The following DMGDH variants were observed in gnomAD, a reference collection of about 807,000 sequenced individuals.
DMGDH encodes dimethylglycine dehydrogenase, mitochondrial.
DMGDH carries 76 observed loss-of-function variants against 95.2 expected under a neutral mutation model. That is an observed-to-expected ratio of 0.80 (90% CI 0.66 to 0.97). The LOEUF is 0.97. Ranked by LOEUF, DMGDH falls within the 50% of genes least tolerant of loss-of-function variation. The pLI is 0.00. For missense variants in DMGDH, 987 were observed against 1,055.0 expected (o/e 0.94, Z 0.89); for synonymous variants, 345 against 377.6 (o/e 0.91, Z 1.00).
rs143103775 is a variant in DMGDH at position 79,049,004 on chromosome 5, C to T, written c.745+2283G>A. On this transcript the variant is annotated intron_variant, in intron 5 of 15. Transcript: ENST00000255189. Reference sequence around the variant, plus strand: ...GGATTGGAAGTGGCTGGGCAAAAAGCACAAGAACAAGGGAAAAAGGGAGGC... The same window carrying T: ...GGATTGGAAGTGGCTGGGCAAAAAGTACAAGAACAAGGGAAAAAGGGAGGC... Among the ~76,000 whole-genome samples, 6 of 152,204 alleles carry T rather than the reference C, an allele frequency of 3.9e-5. No homozygotes were observed. In the East Asian group the frequency reaches 1.2e-3, roughly 29 times the overall value.
At chr5:79,068,429 T>C (rs1755442863) in intron 1 of DMGDH, among the ~76,000 whole-genome samples, 1 of 152,200 alleles carries the variant, frequency 6.6e-6, no homozygotes, top group South Asian at 2.1e-4. Context: ...AAAATTAGTA[T>C]CCTCATTTTA....
rs1754535634 is a variant in DMGDH, at chr5:79,042,405, A to C, written c.1071T>G (p.Pro357=). Residue 357 remains proline (P), a synonymous_variant, in exon 7 of 16, where the codon CCT becomes CCG. Transcript: ENST00000255189. ...TGATGATGTCAGCCTTTTTCAAGACAGGAACCATTTCCATGGCAGCTTTGA... is the reference window on the plus strand; with the variant it reads ...TGATGATGTCAGCCTTTTTCAAGACCGGAACCATTTCCATGGCAGCTTTGA... ...EHIKAAMEMV[P]VLKKADIINV... is the part of the protein sequence containing the mutation. 4.3e-6 allele frequency: 7 copies of C among 1,614,074 alleles called. No homozygotes were observed. In the African/African-American group the frequency reaches 6.7e-5, roughly 15 times the overall value.
intron 15 of DMGDH, among the ~76,000 whole-genome samples, chr5:79,003,348 G>A (rs1753485775): frequency 1.3e-5 from 2 of 152,188 alleles, no homozygotes; most frequent in Non-Finnish European, 2.9e-5. Flanking sequence ...GTTAATTAAT[G>A]GCAGAGCTGG....
chr5:79,021,144 C>T (rs1467989387), intron 14 of DMGDH: 1 of 986,648 alleles, frequency 1.0e-6, no homozygotes, highest in African/African-American at 1.8e-5. Flanking sequence ...ATTATTTTTA[C>T]CGCAGCTTTG....
intron 4 of DMGDH, 127 bp from the exon 5 acceptor site, chr5:79,051,618 T>C (rs1561226885): frequency 2.3e-6 from 2 of 888,858 alleles, no homozygotes; most frequent in Non-Finnish European, 3.5e-6. Flanking sequence ...GGAAAGTGAC[T>C]GGGTCCCTGA....
chr5:79,026,621 A>G, intron 12 of DMGDH, 40 bp from the exon 13 acceptor site: 1 of 1,613,704 alleles, frequency 6.2e-7, no homozygotes, highest in African/African-American at 1.3e-5. Flanking sequence ...GGCAAGAACA[A>G]TGATCACTAG....
At chr5:79,013,812 A>C (rs1437766655) in intron 14 of DMGDH, among the ~76,000 whole-genome samples, 1 of 152,068 alleles carries the variant, frequency 6.6e-6, no homozygotes, top group Admixed American at 6.5e-5. Context: ...CATACTTTTA[A>C]ACAACTAGAT....
At chr5:79,019,002 T>G in intron 14 of DMGDH, among the ~76,000 whole-genome samples, 1 of 151,956 alleles carries the variant, frequency 6.6e-6, no homozygotes, top group East Asian at 1.9e-4. Context: ...CACTCAGCAA[T>G]GAAAATGGGT....
intron 2 of DMGDH, among the ~76,000 whole-genome samples, chr5:79,057,947 T>C (rs1755080460): frequency 6.6e-6 from 1 of 152,146 alleles, no homozygotes; most frequent in African/African-American, 2.4e-5. Flanking sequence ...GCAATCCTCT[T>C]CTCCCTCACT....
intron 3 of DMGDH, 40 bp downstream of exon 3, chr5:79,055,770 A>G: frequency 7.5e-7 from 1 of 1,333,544 alleles, no homozygotes; most frequent in Middle Eastern, 1.8e-4. Context: ...TGTTTCTGAG[A>G]AGCCGACCTA....
At chr5:79,026,994 AC>A (rs1203062215) in intron 12 of DMGDH, among the ~76,000 whole-genome samples, 3 of 152,192 alleles carry the variant, frequency 2.0e-5, no homozygotes, top group Non-Finnish European at 4.4e-5. Flanking sequence ...CCCAAAAATC[AC>A]AAGCTTAAAA....
At chr5:78,999,643 T>C (rs1032400178) in intron 15 of DMGDH, among the ~76,000 whole-genome samples, 2 of 152,220 alleles carry the variant, frequency 1.3e-5, no homozygotes, top group African/African-American at 4.8e-5. Context: ...GTTCTCCATA[T>C]GATTTCTAAA....
chr5:79,012,888 C>T (rs1753668963), intron 14 of DMGDH, among the ~76,000 whole-genome samples: 1 of 152,216 alleles, frequency 6.6e-6, no homozygotes, highest in South Asian at 2.1e-4. Context: ...TCTTAGGCCT[C>T]TGGGGCTGTG....
chr5:79,038,636 A>C (rs949526742), intron 7 of DMGDH, among the ~76,000 whole-genome samples: 1 of 152,202 alleles, frequency 6.6e-6, no homozygotes, highest in African/African-American at 2.4e-5. Flanking sequence ...TTTGGTCTTT[A>C]TTCCCAGTTC....
At chr5:79,001,393 A>T (rs953154504) in intron 15 of DMGDH, among the ~76,000 whole-genome samples, 1 of 152,082 alleles carries the variant, frequency 6.6e-6, no homozygotes. Flanking sequence ...GAACTCCTGA[A>T]CTCAAGTGAT....
intron 15 of DMGDH, among the ~76,000 whole-genome samples, chr5:79,003,204 G>A (rs1162735419): frequency 2.0e-5 from 3 of 152,152 alleles, no homozygotes; most frequent in African/African-American, 2.4e-5. Flanking sequence ...TGGGAATAGA[G>A]TGAAAAATAT....
chr5:79,048,085 G>A (rs1484318021), intron 5 of DMGDH, among the ~76,000 whole-genome samples: 1 of 152,124 alleles, frequency 6.6e-6, no homozygotes, highest in African/African-American at 2.4e-5. Flanking sequence ...TGATGCTAGT[G>A]TCTCCCAGAC....
Position 79,051,449 on chromosome 5 carries a change from G to A in DMGDH, c.583C>T (p.Pro195Ser). 1.2e-6 allele frequency: 2 copies of A among 1,614,068 alleles called. No individual in the cohort carries two copies. Among genetic ancestry groups the A allele is most frequent in the East Asian group, 2.2e-5 (1 of 44,876 alleles). Residue 195 changes from proline (P) to serine (S), a missense_variant, in exon 5 of 16, where the codon CCT becomes TCT. Transcript: ENST00000255189. ...GCCAGTGCCATAGTTAGAGAATAAG[G>A]ATCAATGTGACCATCTCCAGGATTA... ...LYNPGDGHID[P>S]YSLTMALAAG...
At chr5:79,061,536 C>T (rs1030272965) in intron 2 of DMGDH, among the ~76,000 whole-genome samples, 2 of 152,054 alleles carry the variant, frequency 1.3e-5, no homozygotes, top group Non-Finnish European at 2.9e-5. Flanking sequence ...AAATATTTTG[C>T]GTAGTTAACT....
Sources: gnomAD v4.1 joint callset for allele counts (sites outside exome capture counted in the v4.1 genomes callset) on GRCh38, gnomAD v4.1.1 for gene constraint, MANE v1.5 for transcripts, NCBI Gene and HGNC (gene_info 2026-07-23, HGNC 2026-07-21) for gene names.